DUXB: variants seen among roughly 807,000 people sequenced by gnomAD.
DUXB encodes double homeobox B.
In DUXB, 22 loss-of-function variants were observed where a neutral mutation model predicts 8.9. That is an observed-to-expected ratio of 2.46 (90% CI 1.76 to 3.52). The LOEUF (loss-of-function observed/expected upper bound fraction) is 3.52, where lower values mean the gene tolerates loss of function less well. DUXB is among the 30% of genes most tolerant of loss of function. DUXB has a pLI of 0.00. For synonymous variants in DUXB, 84 were observed against 37.6 expected, an observed-to-expected ratio of 2.23 and a Z score of -4.52; for missense variants, 237 against 108.7, an observed-to-expected ratio of 2.18 and a Z score of -5.25.
intron 2 of DUXB, among the ~76,000 whole-genome samples, chr16:75,697,666 A>G (rs1283763766): frequency 1.3e-5 from 2 of 152,196 alleles, no homozygotes; most frequent in East Asian, 3.8e-4. Flanking sequence ...TATCCAATAA[A>G]CCACTCTTAT....
At position 75,694,016 on chromosome 16, in the gene DUXB, C is replaced by G; in HGVS notation, c.951G>C (p.Gln317His). ...TTTGCAAAATGTTCGATATGTCAAA[C>G]TGACCCAGATTTAGAGGTTGTTGCT... ...HREQQPLNLG[Q>H]FDISNILQRW... Residue 317 changes from glutamine (Q) to histidine (H), a missense_variant, in exon 5 of 5, where the codon CAG becomes CAC. Physicochemically the swap from Gln to His is conservative, Grantham distance 24 (BLOSUM62 0). Transcript: ENST00000633875. 2.5e-6 allele frequency: 1 copy of G among 402,020 alleles called. No homozygotes were observed. Among genetic ancestry groups the G allele is most frequent in the Non-Finnish European group, 4.4e-6 (1 of 228,736 alleles). The allele number at this position is 402,020 out of a possible 1,614,324, so 24.9% of individuals were successfully genotyped here.
Position 75,700,654 on chromosome 16 carries a change from G to A in DUXB, c.26-485C>T, listed in dbSNP as rs114561997. Among the ~76,000 whole-genome samples, 1,031 of 151,906 alleles carry A rather than the reference G, an allele frequency of 6.8e-3. 12 individuals carry two copies. The highest frequency in any genetic ancestry group is 0.024 in the African/African-American group (995 of 41,418). On this transcript the variant is annotated intron_variant, in intron 1 of 4. Transcript: ENST00000633875. ...CCGGTCAGCCTCCTAAGTAGCTGGGGTGCCACCACACCTGGCTAATTTTTT... is the reference window on the plus strand; with the variant it reads ...CCGGTCAGCCTCCTAAGTAGCTGGGATGCCACCACACCTGGCTAATTTTTT...
At position 75,696,082 on chromosome 16, in the gene DUXB, G is replaced by T; in HGVS notation, c.320C>A (p.Thr107Lys). 3 of 703,022 alleles carry T rather than the reference G, an allele frequency of 4.3e-6. No homozygotes were observed. Among genetic ancestry groups the T allele is most frequent in the Non-Finnish European group, 7.8e-6 (3 of 385,024 alleles). The allele number at this position is 703,022 out of a possible 1,614,324, so 43.5% of individuals were successfully genotyped here. Residue 107 changes from threonine (T) to lysine (K), a missense_variant, in exon 4 of 5, where the codon ACA (threonine) becomes AAA (lysine). Transcript: ENST00000633875. ...GTTTTTTTGAGTCCATGTGATGAAT[G>T]TCTGTTTTTGTCGGGCTTCTTTAGG... ...YLPKEARQKQ[T>K]FITWTQKNRL...
chr16:75,696,493 G>A (rs2082608427), intron 3 of DUXB, among the ~76,000 whole-genome samples: 1 of 152,202 alleles, frequency 6.6e-6, no homozygotes, highest in Non-Finnish European at 1.5e-5. Context: ...AGAGGTTGCA[G>A]TGAGCTGAGA....
At chr16:75,699,246 A>G (rs1959198148) in intron 2 of DUXB, among the ~76,000 whole-genome samples, 1 of 152,212 alleles carries the variant, frequency 6.6e-6, no homozygotes, top group South Asian at 2.1e-4. Flanking sequence ...TTCAAACGCT[A>G]TGTGTATGAA....
At chr16:75,696,993 T>C (rs2082613225) in intron 2 of DUXB, 50 bp from the exon 3 acceptor site, 1 of 680,596 alleles carries the variant, frequency 1.5e-6, no homozygotes, top group Non-Finnish European at 2.7e-6. Context: ...TGTATGTCAA[T>C]ATTGCCAAAT....
intron 3 of DUXB, 44 bp from the exon 4 acceptor site, chr16:75,696,159 A>G (rs529942721): frequency 2.9e-6 from 2 of 695,854 alleles, no homozygotes; most frequent in African/African-American, 3.5e-5. Context: ...TCATATTCAA[A>G]CCAGAAAAAC....
intron 3 of DUXB, 50 bp downstream of exon 3, chr16:75,696,788 C>G (rs998935131): frequency 5.9e-6 from 4 of 677,126 alleles, no homozygotes; most frequent in Non-Finnish European, 1.1e-5. Flanking sequence ...GATGTTGATG[C>G]AGAATTTGGG....
intron 1 of DUXB, 88 bp from the exon 2 acceptor site, chr16:75,700,257 CAG>C (rs1432920860): frequency 2.7e-5 from 16 of 598,504 alleles, no homozygotes; most frequent in Non-Finnish European, 4.5e-5. Flanking sequence ...TATTTTGAGA[CAG>C]AGTCTCACTC....
chr16:75,700,680 G>A (rs893917991), intron 1 of DUXB, among the ~76,000 whole-genome samples: 7 of 151,748 alleles, frequency 4.6e-5, no homozygotes, highest in Non-Finnish European at 1.0e-4. Context: ...CTAATTTTTT[G>A]TATTTTTTAG....
chr16:75,698,085 T>C (rs1230973825), intron 2 of DUXB, among the ~76,000 whole-genome samples: 2 of 152,198 alleles, frequency 1.3e-5, no homozygotes, highest in Non-Finnish European at 2.9e-5. Flanking sequence ...TGAATCAGAA[T>C]AGTTTTAGTT....
Position 75,696,100 on chromosome 16 carries a change from T to A in DUXB, c.302A>T (p.Glu101Val), listed in dbSNP as rs2082604753. 5 of 702,452 alleles carry A rather than the reference T, an allele frequency of 7.1e-6. No individual in the cohort carries two copies. Among genetic ancestry groups the A allele is most frequent in the Non-Finnish European group, 1.0e-5 (4 of 385,008 alleles). The allele number at this position is 702,452 out of a possible 1,614,324, so 43.5% of individuals were successfully genotyped here. ...QHLTQEYLPKEARQKQTFITW... is the reference protein window; with the variant it reads ...QHLTQEYLPKVARQKQTFITW... The stretch of plus-strand genomic sequence containing the variant: ...GATGAATGTCTGTTTTTGTCGGGCT[T>A]CTTTAGGTAAGTATTCTAAAGGAGA... The change falls in exon 4 of 5, where the codon GAA becomes GTA. Residue 101 changes from glutamate (E) to valine (V), a missense_variant. By Grantham distance (121) the Glu-to-Val change is moderately radical. Transcript: ENST00000633875.
Position 75,694,444 on chromosome 16 carries a change from CATTTGGGTCGTCTACCA to C in DUXB, c.506_522del (p.Leu169Ter), listed in dbSNP as rs1199211037. On this transcript the variant is annotated frameshift_variant, in exon 5 of 5. Coordinates refer to ENST00000633875, the MANE Select transcript of DUXB (RefSeq NM_001351307.2). LOFTEE classifies it low-confidence loss of function (END_TRUNC). ...CACCCAACAGTTGCATCTGGTCTCTCATTTGGGTCGTCTACCAATAAATTCATGGGCTCCATTCTGCT... is the reference window on the plus strand; with the variant it reads ...CACCCAACAGTTGCATCTGGTCTCTCATAAATTCATGGGCTCCATTCTGCT... 1 of 702,716 alleles carries C rather than the reference CATTTGGGTCGTCTACCA, an allele frequency of 1.4e-6. No individual in the cohort carries two copies. Among genetic ancestry groups the C allele is most frequent in the Non-Finnish European group, 2.6e-6 (1 of 384,956 alleles). 43.5% of individuals were successfully genotyped at this position (702,716 alleles called of 1,614,324 possible).
intron 4 of DUXB, among the ~76,000 whole-genome samples, chr16:75,695,221 C>T (rs2082595924): frequency 6.6e-6 from 1 of 152,158 alleles, no homozygotes. Context: ...GAATCTCTGA[C>T]TGGAAAGGAA....
rs546201722 is a variant in DUXB at position 75,696,431 on chromosome 16, A to T, written c.287-316T>A. Among the ~76,000 whole-genome samples, 8 of 152,332 alleles carry T rather than the reference A, an allele frequency of 5.3e-5. No homozygotes were observed. The East Asian group carries it at 1.5e-3, about 29-fold the overall frequency. On this transcript the variant is annotated intron_variant, in intron 3 of 4. Transcript: ENST00000633875. ...GCTGGGCGTGGTTGTGCACCTCTGT[A>T]GTTCCAGCTACTTGGGAGGCTGAGG... is the stretch of plus-strand genomic sequence containing the variant.
rs1597213161 is a variant in DUXB, at chr16:75,701,452, G to A, written c.-34C>T. ...GAAGACCTGGACTCCACGGAGATCAGCGAGTAACTGAGCAGCTCTCAAAGA... is the reference window on the plus strand; with the variant it reads ...GAAGACCTGGACTCCACGGAGATCAACGAGTAACTGAGCAGCTCTCAAAGA... On this transcript the variant is annotated 5_prime_UTR_variant, in exon 1 of 5. Coordinates refer to ENST00000633875, the MANE Select transcript of DUXB (RefSeq NM_001351307.2). 2.5e-6 allele frequency: 1 copy of A among 398,596 alleles called. No homozygotes were observed. The highest frequency in any genetic ancestry group is 4.4e-6 in the Non-Finnish European group (1 of 226,062). 24.7% of individuals were successfully genotyped at this position (398,596 alleles called of 1,614,324 possible).
chr16:75,697,570 C>A (rs2082618805), intron 2 of DUXB, among the ~76,000 whole-genome samples: 1 of 152,124 alleles, frequency 6.6e-6, no homozygotes, highest in South Asian at 2.1e-4. Context: ...GTCAGAATTG[C>A]AATATATTTT....
At chr16:75,694,554 C>G (rs762873475) in intron 4 of DUXB, 29 bp from the exon 5 acceptor site, 2 of 702,698 alleles carry the variant, frequency 2.8e-6, no homozygotes, top group East Asian at 2.7e-5. Context: ...AACATGACAT[C>G]ATAAGACATA....
chr16:75,696,705 A>C, intron 3 of DUXB, 133 bp downstream of exon 3: 1 of 584,540 alleles, frequency 1.7e-6, no homozygotes, highest in Non-Finnish European at 3.0e-6. Context: ...CACCTAAAAA[A>C]AATGTAGGAT....
Sources: allele counts gnomAD v4.1 joint callset (sites outside exome capture counted in the v4.1 genomes callset), GRCh38; gene constraint gnomAD v4.1.1; transcripts MANE v1.5; gene names NCBI Gene and HGNC (gene_info 2026-07-23, HGNC 2026-07-21).